The following RFX4 variants were observed in gnomAD, a reference collection of about 807,000 sequenced individuals.
The protein encoded by RFX4 is transcription factor RFX4.
A neutral mutation model predicts 95.0 loss-of-function variants in RFX4; 10 were observed. The observed-to-expected ratio is 0.11, with a 90% CI of 0.06 to 0.18. The LOEUF (loss-of-function observed/expected upper bound fraction) is 0.18. RFX4 is among the 10% of genes least tolerant of loss of function. The pLI is 1.00. For synonymous variants in RFX4, 321 were observed against 340.7 expected (o/e 0.94, Z 0.64); for missense variants, 640 against 922.0 (o/e 0.69, Z 3.96).
chr12:106,628,581 A>G (rs905423895), intron 2 of RFX4, among the ~76,000 whole-genome samples: 1 of 152,188 alleles, frequency 6.6e-6, no homozygotes, highest in East Asian at 1.9e-4. Flanking sequence ...TTTTGAATAG[A>G]TAATACAGCC....
At chr12:106,759,158 G>A (rs936183866) in intron 17 of RFX4, among the ~76,000 whole-genome samples, 1 of 152,194 alleles carries the variant, frequency 6.6e-6, no homozygotes, top group African/African-American at 2.4e-5. Flanking sequence ...CTTGAGATAA[G>A]ATTCCAGAAA....
intron 1 of RFX4, among the ~76,000 whole-genome samples, chr12:106,596,398 A>G (rs183810783): frequency 5.5e-4 from 84 of 152,344 alleles, no homozygotes; most frequent in Admixed American, 1.3e-3. Context: ...TGTGAGTCCA[A>G]TCAAACCTCT....
In RFX4 at chr12:106,583,091, A is replaced by C; in HGVS notation, c.-230A>C. On this transcript the variant is annotated 5_prime_UTR_variant, in exon 1 of 18. Coordinates refer to ENST00000392842, the MANE Select transcript of RFX4 (RefSeq NM_213594.3). ...GCTTTTTCTCTCTCCCCCTTCTCCGAGCTCGCTCCCTTCTCTCCCTCTCTC... is the reference window on the plus strand; with the variant it reads ...GCTTTTTCTCTCTCCCCCTTCTCCGCGCTCGCTCCCTTCTCTCCCTCTCTC... The C allele has an allele frequency of 2.3e-6, 1 of 439,544 alleles. No individual in the cohort carries two copies. The highest frequency in any genetic ancestry group is 6.2e-5 in the South Asian group (1 of 16,218). 27.2% of individuals were successfully genotyped at this position (439,544 alleles called of 1,614,324 possible).
intron 7 of RFX4, among the ~76,000 whole-genome samples, chr12:106,694,746 A>C (rs969165426): frequency 3.9e-5 from 6 of 152,194 alleles, no homozygotes; most frequent in African/African-American, 1.4e-4. Context: ...CTCGATAAAG[A>C]AAGCTAATGG....
chr12:106,750,807 C>T lies in RFX4; in HGVS notation c.1935+14C>T, dbSNP rs748685914. 8.5e-6 allele frequency: 13 copies of T among 1,533,332 alleles called. No individual in the cohort carries two copies. The South Asian group carries it at 1.4e-4, about 17-fold the overall frequency. The allele number at this position is 1,533,332 out of a possible 1,614,324, so 95.0% of individuals were successfully genotyped here. A position where few individuals can be genotyped will look rare whatever the true frequency, so the allele number is the denominator to read the frequency against. On this transcript the variant is annotated intron_variant, in intron 17 of 17. Transcript: ENST00000392842. ...AGCTCTGCACAGGTGAGTCAGTGGT[C>T]CTGGTTTCTTGGCCAGGCCTTGGTA...
At chr12:106,735,990 T>C (rs1383762600) in intron 15 of RFX4, among the ~76,000 whole-genome samples, 1 of 152,154 alleles carries the variant, frequency 6.6e-6, no homozygotes, top group Non-Finnish European at 1.5e-5. Flanking sequence ...GCTATGATAA[T>C]TAATTCATTA....
At chr12:106,630,590 G>A (rs996982934) in intron 2 of RFX4, among the ~76,000 whole-genome samples, 4 of 152,192 alleles carry the variant, frequency 2.6e-5, no homozygotes, top group African/African-American at 9.7e-5. Context: ...GAAACGTTTG[G>A]CAGCCCCATG....
chr12:106,752,752 G>C (rs1237107900), intron 17 of RFX4, among the ~76,000 whole-genome samples: 1 of 152,082 alleles, frequency 6.6e-6, no homozygotes, highest in South Asian at 2.1e-4. Flanking sequence ...ACATCTCCTT[G>C]GGCTCCTCAC....
intron 1 of RFX4, among the ~76,000 whole-genome samples, chr12:106,593,245 A>C (rs911938199): frequency 2.0e-5 from 3 of 152,218 alleles, no homozygotes; most frequent in Non-Finnish European, 4.4e-5. Context: ...AGCCTTTGAA[A>C]AGGCTGCAAC....
Position 106,682,078 on chromosome 12 carries a change from C to T in RFX4, c.377+24C>T, listed in dbSNP as rs201502358. The T allele has an allele frequency of 2.7e-5, 44 of 1,613,622 alleles. No individual in the cohort carries two copies. In the African/African-American group the frequency reaches 5.3e-4, roughly 20 times the overall value. ...AAGTAAGCACCGGACGGCCATTCCACCTGCAGAGCGCACATCTATGGGCCT... is the reference window on the plus strand; with the variant it reads ...AAGTAAGCACCGGACGGCCATTCCATCTGCAGAGCGCACATCTATGGGCCT... On this transcript the variant is annotated intron_variant, in intron 5 of 17. Coordinates refer to ENST00000392842, the MANE Select transcript of RFX4 (RefSeq NM_213594.3).
Position 106,594,839 on chromosome 12 carries a change from A to G in RFX4, c.43+11476A>G, listed in dbSNP as rs529247735. Among the ~76,000 whole-genome samples, 31 of 151,916 alleles carry G rather than the reference A, an allele frequency of 2.0e-4. 1 individual carries two copies. The South Asian group carries it at 6.0e-3, about 30-fold the overall frequency. ...AAAGAAATGAAAACACCAAGGCTGT[A>G]TGTTGTATATCGATAGCTGATGATA... On this transcript the variant is annotated intron_variant, in intron 1 of 17. Coordinates refer to ENST00000392842, the MANE Select transcript of RFX4 (RefSeq NM_213594.3).
intron 4 of RFX4, among the ~76,000 whole-genome samples, chr12:106,658,653 A>G (rs1403566155): frequency 6.6e-6 from 1 of 152,128 alleles, no homozygotes; most frequent in Non-Finnish European, 1.5e-5. Context: ...CATTTGACAA[A>G]CTGGTGCTCA....
rs1034189315 is a variant in RFX4 at position 106,715,514 on chromosome 12, C to T, written c.1108C>T (p.Arg370Cys). The T allele has an allele frequency of 1.2e-5, 19 of 1,614,180 alleles. No individual in the cohort carries two copies. In the East Asian group the frequency reaches 2.5e-4, roughly 21 times the overall value. Residue 370 changes from arginine to cysteine, a missense_variant, in exon 11 of 18, where the codon CGC becomes TGC. Transcript: ENST00000392842. ...KQTLYTMEDS[R>C]DEHRKLITQL... ...AACCCTTTACACCATGGAAGACTCTCGCGATGAGCACCGGAAACTCATCAC... is the reference window on the plus strand; with the variant it reads ...AACCCTTTACACCATGGAAGACTCTTGCGATGAGCACCGGAAACTCATCAC...
intron 7 of RFX4, among the ~76,000 whole-genome samples, chr12:106,689,830 C>G (rs2137429796): frequency 6.6e-6 from 1 of 152,224 alleles, no homozygotes; most frequent in Middle Eastern, 3.4e-3. Flanking sequence ...CCATAGATTT[C>G]CATCAAATCC....
At chr12:106,677,108 T>C (rs975024800) in intron 4 of RFX4, among the ~76,000 whole-genome samples, 2 of 152,138 alleles carry the variant, frequency 1.3e-5, no homozygotes, top group African/African-American at 2.4e-5. Flanking sequence ...AGATAATACA[T>C]GTAAAGTGGT....
intron 2 of RFX4, among the ~76,000 whole-genome samples, chr12:106,625,607 C>G (rs1700589446): frequency 6.6e-6 from 1 of 152,120 alleles, no homozygotes; most frequent in Non-Finnish European, 1.5e-5. Flanking sequence ...GAGGAAAGCT[C>G]AGCAGTGTGG....
intron 1 of RFX4, among the ~76,000 whole-genome samples, chr12:106,597,604 G>A (rs1490258451): frequency 6.6e-6 from 1 of 152,236 alleles, no homozygotes; most frequent in Non-Finnish European, 1.5e-5. Flanking sequence ...CAAGGAGGTT[G>A]AGTCCCTTGC....
intron 1 of RFX4, among the ~76,000 whole-genome samples, chr12:106,595,191 A>C (rs2039601097): frequency 6.6e-6 from 1 of 152,184 alleles, no homozygotes; most frequent in South Asian, 2.1e-4. Context: ...CCTAGTTAAC[A>C]ATATGTCCAG....
At chr12:106,611,599 C>T (rs1181520657) in intron 2 of RFX4, among the ~76,000 whole-genome samples, 3 of 152,040 alleles carry the variant, frequency 2.0e-5, no homozygotes, top group South Asian at 2.1e-4. Context: ...CAACCTCCGC[C>T]TCCCAGGTTC....
Sources: gnomAD v4.1 joint callset for allele counts (sites outside exome capture counted in the v4.1 genomes callset) on GRCh38, gnomAD v4.1.1 for gene constraint, MANE v1.5 for transcripts, NCBI Gene and HGNC (gene_info 2026-07-23, HGNC 2026-07-21) for gene names.